Variants in RAP1GAP observed in about 807,000 individuals in gnomAD.
The protein encoded by RAP1GAP is rap1 GTPase-activating protein 1.
RAP1GAP carries 35 observed loss-of-function variants against 87.2 expected under a neutral mutation model. The observed-to-expected ratio is 0.40, with a 90% CI of 0.31 to 0.53. The LOEUF (loss-of-function observed/expected upper bound fraction) is 0.53. RAP1GAP is among the 20% of genes least tolerant of loss of function. RAP1GAP has a pLI of 0.48. For synonymous variants in RAP1GAP, 375 were observed against 363.9 expected (o/e 1.03, Z -0.35); for missense variants, 734 against 898.9 (o/e 0.82, Z 2.35).
Position 21,598,402 on chromosome 1 carries a change from G to A in RAP1GAP, c.1877C>T (p.Pro626Leu). Reference sequence around the variant, plus strand: ...GGGAAGCTGCCTTGTCCTGGTACCTGGGGAGCTGCCCCCACTAGTGGTGCT... The same window carrying A: ...GGGAAGCTGCCTTGTCCTGGTACCTAGGGAGCTGCCCCCACTAGTGGTGCT... ...SVSTTSGGSS[P>L]GPSRSPHPDA... The change falls in exon 22 of 25, where the codon CCA becomes CTA. Residue 626 changes from proline (P) to leucine (L), a missense_variant and splice_region_variant. Pro to Leu is a moderately conservative substitution (Grantham distance 98, BLOSUM62 -3). Around this residue, in one of 2 missense-constraint regions of RAP1GAP, gnomAD observed 249 missense variants for 252.7 expected, o/e 0.99. Coordinates refer to ENST00000374765, the MANE Select transcript of RAP1GAP (RefSeq NM_002885.4). The A allele has an allele frequency of 6.2e-7, 1 of 1,611,766 alleles. No individual in the cohort carries two copies. Among genetic ancestry groups the A allele is most frequent in the South Asian group, 1.1e-5 (1 of 91,034 alleles).
rs74722923 is a variant in RAP1GAP, at chr1:21,626,211, C to T, written c.-19+93G>A. ...CATCTGCCTGAACATTTTACCTTTG[C>T]CCAAAAGTCATTCTTGGGCCTTTCC... On this transcript the variant is annotated intron_variant, in intron 3 of 24. Coordinates refer to ENST00000374765, the MANE Select transcript of RAP1GAP (RefSeq NM_002885.4). 2,788 of 1,191,172 alleles carry T rather than the reference C, an allele frequency of 2.3e-3. 72 individuals are homozygous for T. The East Asian group carries it at 0.058, about 25-fold the overall frequency. 73.8% of individuals were successfully genotyped at this position (1,191,172 alleles called of 1,614,324 possible).
Position 21,669,026 on chromosome 1 carries a change from C to T in RAP1GAP, c.-149+228G>A, listed in dbSNP as rs1319854328. On this transcript the variant is annotated intron_variant, in intron 1 of 24. Coordinates refer to ENST00000374765, the MANE Select transcript of RAP1GAP (RefSeq NM_002885.4). This position sits in a 1 kb window ranked among gnomAD's most constrained non-coding sequence, Gnocchi z 5.6. Reference sequence around the variant, plus strand: ...AAGTCCAACAGGCTGGGGGTTCAGCCGGCTCAGTCCAGGCCTCCCCCCACT... The same window carrying T: ...AAGTCCAACAGGCTGGGGGTTCAGCTGGCTCAGTCCAGGCCTCCCCCCACT... 6.6e-6 allele frequency among the ~76,000 whole-genome samples: 1 copy of T among 151,814 alleles called. No homozygotes were observed. The highest frequency in any genetic ancestry group is 2.4e-5 in the African/African-American group (1 of 41,392).
At chr1:21,637,137 TTTTTTTTC>T (rs1309754326) in intron 2 of RAP1GAP, among the ~76,000 whole-genome samples, 7 of 149,426 alleles carry the variant, frequency 4.7e-5, no homozygotes, top group Non-Finnish European at 8.9e-5. Flanking sequence ...TTTGAAATTC[TTTTTTTTC>T]TTTTTTTTTT....
chr1:21,661,724 C>A (rs573707467), intron 1 of RAP1GAP, among the ~76,000 whole-genome samples: 108 of 152,350 alleles, frequency 7.1e-4, no homozygotes, highest in African/African-American at 2.4e-3. Flanking sequence ...TGGAGACTGT[C>A]TTTAGTACTA....
At chr1:21,664,429 C>G (rs2097269424) in intron 1 of RAP1GAP, among the ~76,000 whole-genome samples, 1 of 152,144 alleles carries the variant, frequency 6.6e-6, no homozygotes, top group Admixed American at 6.5e-5. Context: ...ATTCAAGGCC[C>G]TTAATAGACT....
intron 6 of RAP1GAP, among the ~76,000 whole-genome samples, chr1:21,617,732 T>TG (rs1025230892): frequency 1.3e-5 from 2 of 152,180 alleles, no homozygotes; most frequent in Non-Finnish European, 2.9e-5. Context: ...AGCATGACCT[T>TG]GGCCCAGGAG....
chr1:21,598,117 G>A lies in RAP1GAP; in HGVS notation c.1880-53C>T, dbSNP rs906309026. ...CTCACTGGCCGCGGGGAGGCACCAG[G>A]GAGACGGGGGCATAGGTGGGCGGTC... On this transcript the variant is annotated intron_variant, in intron 22 of 24. Coordinates refer to ENST00000374765, the MANE Select transcript of RAP1GAP (RefSeq NM_002885.4). 7 of 1,219,286 alleles carry A rather than the reference G, an allele frequency of 5.7e-6. No individual in the cohort carries two copies. In the Admixed American group the frequency reaches 1.3e-4, roughly 22 times the overall value. The allele number at this position is 1,219,286 out of a possible 1,614,324, so 75.5% of individuals were successfully genotyped here. A position where few individuals can be genotyped will look rare whatever the true frequency, so the allele number is the denominator to read the frequency against.
At position 21,638,158 on chromosome 1, in the gene RAP1GAP, A is replaced by G. The variant is rs558702306; in HGVS notation, c.-113+11603T>C. 3.9e-4 allele frequency among the ~76,000 whole-genome samples: 58 copies of G among 148,756 alleles called. No individual in the cohort carries two copies. The East Asian group carries it at 9.7e-3, about 25-fold the overall frequency. On this transcript the variant is annotated intron_variant, in intron 2 of 24. Transcript: ENST00000374765. ...AGAGCAAGATCCTATTAAAAAAAAA[A>G]AAAAGAAAAGAAAAAAAGGCCGGGC...
chr1:21,650,526 A>G (rs1571333657), intron 1 of RAP1GAP, among the ~76,000 whole-genome samples: 1 of 152,276 alleles, frequency 6.6e-6, no homozygotes, highest in African/African-American at 2.4e-5. Context: ...GGGACAACAA[A>G]CAACTCGCCT....
chr1:21,649,403 C>T (rs2151897076), intron 2 of RAP1GAP, among the ~76,000 whole-genome samples: 1 of 152,240 alleles, frequency 6.6e-6, no homozygotes, highest in Non-Finnish European at 1.5e-5. Flanking sequence ...GCAAAAAGGG[C>T]CTAAAATATG....
chr1:21,621,430 G>C (rs1335999718), intron 3 of RAP1GAP, among the ~76,000 whole-genome samples: 2 of 152,176 alleles, frequency 1.3e-5, no homozygotes, highest in Admixed American at 6.5e-5. Context: ...CACACACACA[G>C]AGCTCTGGGA....
rs1024193999 is a variant in RAP1GAP at position 21,668,616 on chromosome 1, C to G, written c.-149+638G>C. 1.3e-5 allele frequency: 2 copies of G among 152,216 alleles called. No homozygotes were observed. The highest frequency in any genetic ancestry group is 4.8e-5 in the African/African-American group (2 of 41,412). 9.4% of individuals were successfully genotyped at this position (152,216 alleles called of 1,614,324 possible). On this transcript the variant is annotated intron_variant, in intron 1 of 24. Coordinates refer to ENST00000374765, the MANE Select transcript of RAP1GAP (RefSeq NM_002885.4). The surrounding 1 kb of genome is among the most constrained non-coding windows in gnomAD (Gnocchi z 6.2). ...ACCCTGCAGGGCACGGAAACCGCCCCGTGAATTCCCACCGAGTCCTCAGAT... is the reference window on the plus strand; with the variant it reads ...ACCCTGCAGGGCACGGAAACCGCCCGGTGAATTCCCACCGAGTCCTCAGAT...
chr1:21,612,481 A>G (rs981626813), intron 10 of RAP1GAP, among the ~76,000 whole-genome samples: 1 of 151,970 alleles, frequency 6.6e-6, no homozygotes, highest in Admixed American at 6.6e-5. Context: ...AACCCACATC[A>G]TCCTCCCAGA....
Position 21,599,508 on chromosome 1 carries a change from C to CTCCG in RAP1GAP, c.1758_1761dup (p.Glu588ArgfsTer24). The CTCCG allele has an allele frequency of 6.2e-7, 1 of 1,609,314 alleles. No individual in the cohort carries two copies. The highest frequency in any genetic ancestry group is 8.5e-7 in the Non-Finnish European group (1 of 1,179,932). ...GAGCCTCTCACCAGGCCTGTGTCCT[C>CTCCG]TCCGTCCACACCCTCCGTCTCCTCC... is the stretch of plus-strand genomic sequence containing the variant. On this transcript the variant is annotated frameshift_variant, in exon 21 of 25. Coordinates refer to ENST00000374765, the MANE Select transcript of RAP1GAP (RefSeq NM_002885.4). LOFTEE classifies it high-confidence loss of function.
chr1:21,610,507 C>T (rs913574355), intron 13 of RAP1GAP, among the ~76,000 whole-genome samples: 1 of 152,208 alleles, frequency 6.6e-6, no homozygotes, highest in African/African-American at 2.4e-5. Flanking sequence ...ATATCCCAGA[C>T]CTCACCACTA....
chr1:21,628,731 T>C (rs1318877555), intron 2 of RAP1GAP, among the ~76,000 whole-genome samples: 1 of 150,232 alleles, frequency 6.7e-6, no homozygotes, highest in Non-Finnish European at 1.5e-5. Flanking sequence ...ATAAAAAAAA[T>C]ACAAAAATTA....
In RAP1GAP at chr1:21,611,471, G is replaced by C; in HGVS notation, c.824C>G (p.Thr275Arg). ...GGCTACCTGCTGGGCGTCCCCTTCCGTGTATGGCAGCTTGGTGGACACGTG... is the reference window on the plus strand; with the variant it reads ...GGCTACCTGCTGGGCGTCCCCTTCCCTGTATGGCAGCTTGGTGGACACGTG... ...MFHVSTKLPY[T>R]EGDAQQLQRK... Residue 275 changes from threonine to arginine, a missense_variant, in exon 13 of 25, where the codon ACG becomes AGG. This residue lies in a region of RAP1GAP where 485 missense variants were observed against 646.2 expected (regional missense o/e 0.75). Transcript: ENST00000374765. 6.2e-7 allele frequency: 1 copy of C among 1,614,068 alleles called. No homozygotes were observed. Among genetic ancestry groups the C allele is most frequent in the Non-Finnish European group, 8.5e-7 (1 of 1,179,956 alleles).
chr1:21,651,627 A>G, intron 1 of RAP1GAP: 1 of 779,040 alleles, frequency 1.3e-6, no homozygotes, highest in Non-Finnish European at 2.2e-6. Context: ...CACGACAGCC[A>G]TGCGCGCACT....
intron 6 of RAP1GAP, 43 bp downstream of exon 6, chr1:21,617,891 C>T (rs1211291103): frequency 1.2e-6 from 2 of 1,613,634 alleles, no homozygotes; most frequent in Admixed American, 1.7e-5. Context: ...GTAAGTGCCT[C>T]CTGGGCTTGA....
Sources: allele counts gnomAD v4.1 joint callset (sites outside exome capture counted in the v4.1 genomes callset), GRCh38; gene constraint gnomAD v4.1.1; regional missense constraint gnomAD v4.1.1; non-coding constraint Gnocchi (gnomAD v3.1); transcripts MANE v1.5; gene names NCBI Gene and HGNC (gene_info 2026-07-23, HGNC 2026-07-21).